Variants in SNTG1 observed in about 807,000 individuals in gnomAD.
The protein encoded by SNTG1 is gamma-1-syntrophin.
In SNTG1, 39 loss-of-function variants were observed where a neutral mutation model predicts 74.7. The observed-to-expected ratio is 0.52, with a 90% confidence interval of 0.40 to 0.68. SNTG1 has a LOEUF of 0.68. Ranked by LOEUF, SNTG1 falls within the 30% of genes least tolerant of loss-of-function variation. The pLI is 0.00. For missense variants in SNTG1, 685 were observed against 609.5 expected, an observed-to-expected ratio of 1.12 and a Z score of -1.30; for synonymous variants, 254 against 217.1, an observed-to-expected ratio of 1.17 and a Z score of -1.49.
intron 1 of SNTG1, among the ~76,000 whole-genome samples, chr8:49,957,925 T>C (rs935865125): frequency 9.9e-5 from 15 of 151,988 alleles, no homozygotes; most frequent in Non-Finnish European, 1.5e-4. Flanking sequence ...CAGAGTGAGA[T>C]TGCATCTTAA....
intron 1 of SNTG1, among the ~76,000 whole-genome samples, chr8:50,122,807 G>T (rs1238993809): frequency 7.0e-6 from 1 of 142,118 alleles, no homozygotes; most frequent in South Asian, 2.6e-4. Flanking sequence ...CCTAACAGTA[G>T]TTCTCCTCAT....
chr8:50,560,066 C>G (rs1230517782), intron 12 of SNTG1, among the ~76,000 whole-genome samples: 2 of 152,032 alleles, frequency 1.3e-5, no homozygotes, highest in Admixed American at 6.6e-5. Flanking sequence ...AGGACATGAA[C>G]AGACACTTCA....
At chr8:50,136,178 C>A (rs1043486097) in intron 1 of SNTG1, among the ~76,000 whole-genome samples, 2 of 152,120 alleles carry the variant, frequency 1.3e-5, no homozygotes, top group Admixed American at 1.3e-4. Flanking sequence ...AGGTTGATTT[C>A]ATGGCTTTTC....
chr8:50,581,325 T>C (rs2094608375), intron 12 of SNTG1, among the ~76,000 whole-genome samples: 1 of 152,180 alleles, frequency 6.6e-6, no homozygotes, highest in Admixed American at 6.5e-5. Context: ...CTGAGAAGGT[T>C]ATATTTAAGA....
intron 9 of SNTG1, among the ~76,000 whole-genome samples, chr8:50,512,189 G>A (rs2094084539): frequency 2.0e-5 from 3 of 151,984 alleles, no homozygotes; most frequent in Admixed American, 2.0e-4. Flanking sequence ...TAGTTTGGCT[G>A]GATATGAAAT....
At chr8:50,089,534 T>C (rs1294910125) in intron 1 of SNTG1, among the ~76,000 whole-genome samples, 1 of 151,978 alleles carries the variant, frequency 6.6e-6, no homozygotes, top group East Asian at 1.9e-4. Context: ...ATCCAGAATC[T>C]ACAATGAACT....
At chr8:50,091,252 A>C (rs1456591986) in intron 1 of SNTG1, among the ~76,000 whole-genome samples, 1 of 152,094 alleles carries the variant, frequency 6.6e-6, no homozygotes, top group Non-Finnish European at 1.5e-5. Context: ...GGAAATTTAC[A>C]TAACGGTCTC....
At chr8:50,156,134 C>T (rs1586518211) in intron 1 of SNTG1, among the ~76,000 whole-genome samples, 1 of 152,082 alleles carries the variant, frequency 6.6e-6, no homozygotes, top group South Asian at 2.1e-4. Flanking sequence ...AGACTTCATC[C>T]TTTGCCCCTA....
intron 4 of SNTG1, among the ~76,000 whole-genome samples, chr8:50,404,015 G>C (rs1467526091): frequency 6.6e-6 from 1 of 152,122 alleles, no homozygotes; most frequent in East Asian, 1.9e-4. Context: ...TTTACTTGTA[G>C]ATTTCATGAT....
At chr8:50,579,280 T>G (rs777320557) in intron 12 of SNTG1, among the ~76,000 whole-genome samples, 1 of 152,126 alleles carries the variant, frequency 6.6e-6, no homozygotes, top group Non-Finnish European at 1.5e-5. Flanking sequence ...TTGAGAGAGA[T>G]GATTTAGGGT....
At chr8:50,624,748 A>C (rs902429801) in intron 13 of SNTG1, among the ~76,000 whole-genome samples, 1 of 152,260 alleles carries the variant, frequency 6.6e-6, no homozygotes, top group East Asian at 1.9e-4. Context: ...TTTCACAACT[A>C]ACTCCATTAT....
chr8:50,335,319 G>C (rs998408726), intron 2 of SNTG1, among the ~76,000 whole-genome samples: 2 of 152,176 alleles, frequency 1.3e-5, no homozygotes, highest in Non-Finnish European at 2.9e-5. Flanking sequence ...CATACAACAT[G>C]GCTCAACAGC....
chr8:50,768,953 T>C (rs1433194863), intron 18 of SNTG1, among the ~76,000 whole-genome samples: 3 of 152,024 alleles, frequency 2.0e-5, no homozygotes, highest in East Asian at 3.9e-4. Flanking sequence ...AACAGGAATG[T>C]GTGGTGAAGA....
At chr8:50,234,891 T>C (rs947643049) in intron 2 of SNTG1, among the ~76,000 whole-genome samples, 5 of 152,046 alleles carry the variant, frequency 3.3e-5, no homozygotes, top group Non-Finnish European at 5.9e-5. Flanking sequence ...AGCTAACAGA[T>C]AGAAGCTGTT....
intron 1 of SNTG1, among the ~76,000 whole-genome samples, chr8:50,042,312 G>C (rs1325769852): frequency 1.3e-5 from 2 of 152,144 alleles, no homozygotes; most frequent in Non-Finnish European, 2.9e-5. Context: ...CCCCCAGGGT[G>C]CTGCTGATGT....
chr8:50,007,827 G>T (rs1375132512), intron 1 of SNTG1, among the ~76,000 whole-genome samples: 2 of 152,080 alleles, frequency 1.3e-5, no homozygotes, highest in South Asian at 4.1e-4. Context: ...TAAAAAAAAG[G>T]TTTAATTGAC....
At chr8:49,942,489 G>A (rs985227323) in intron 1 of SNTG1, among the ~76,000 whole-genome samples, 2 of 151,754 alleles carry the variant, frequency 1.3e-5, no homozygotes, top group East Asian at 1.9e-4. Context: ...TTTTACTACA[G>A]TTCCTACTTA....
At chr8:50,630,195 T>A (rs898484123) in intron 13 of SNTG1, among the ~76,000 whole-genome samples, 4 of 152,152 alleles carry the variant, frequency 2.6e-5, no homozygotes, top group Non-Finnish European at 5.9e-5. Context: ...TTAATTTGTG[T>A]CTATATCTGT....
At chr8:50,649,600 C>A (rs971577804) in intron 13 of SNTG1, among the ~76,000 whole-genome samples, 3 of 152,094 alleles carry the variant, frequency 2.0e-5, no homozygotes, top group Admixed American at 2.0e-4. Context: ...TTAATTGTAG[C>A]CTCTTTGGAA....
Sources: gnomAD v4.1 joint callset for allele counts (sites outside exome capture counted in the v4.1 genomes callset) on GRCh38, gnomAD v4.1.1 for gene constraint, MANE v1.5 for transcripts, NCBI Gene and HGNC (gene_info 2026-07-23, HGNC 2026-07-21) for gene names.